The following ELOA2 variants were observed in gnomAD, a reference collection of about 807,000 sequenced individuals.
ELOA2 encodes the protein elongin-A2.
For missense variants in ELOA2, 1,271 were observed against 979.7 expected, an observed-to-expected ratio of 1.30 and a Z score of -3.97; for synonymous variants, 497 against 398.8, an observed-to-expected ratio of 1.25 and a Z score of -2.94.
rs1569058233 is a variant in ELOA2, at chr18:47,035,442, GGA to G, written c.-180_-179del. On this transcript the variant is annotated 5_prime_UTR_variant, in exon 1 of 1. It introduces an in-frame stop codon into an upstream open reading frame of the 5' UTR. Transcript: ENST00000332567. ...CTCGGAGCAGCAGGCCACTTGGTCT[GGA>G]ACGGCCGTCCTTGCAGACAGCTGAG... 1 of 1,358,042 alleles carries G rather than the reference GGA, an allele frequency of 7.4e-7. No individual in the cohort carries two copies. The allele number at this position is 1,358,042 out of a possible 1,614,324, so 84.1% of individuals were successfully genotyped here. A position where few individuals can be genotyped will look rare whatever the true frequency, so the allele number is the denominator to read the frequency against.
chr18:47,033,257 C>A lies in ELOA2; in HGVS notation c.2008G>T (p.Gly670Trp). The change falls in exon 1 of 1, where the codon GGG becomes TGG. Residue 670 changes from glycine to tryptophan, a missense_variant. Gly to Trp is a radical substitution (Grantham distance 184, BLOSUM62 -2). Coordinates refer to ENST00000332567, the MANE Select transcript of ELOA2 (RefSeq NM_016427.3). ...GGCTTGGAGGCTGGCTTGATCTCCCCATTTTCGGGGTCAGCGTCTCCTGCA... is the reference window on the plus strand; with the variant it reads ...GGCTTGGAGGCTGGCTTGATCTCCCAATTTTCGGGGTCAGCGTCTCCTGCA... ...KSAGDADPEN[G>W]EIKPASKPAG... is the part of the protein sequence containing the mutation. 1.9e-6 allele frequency: 3 copies of A among 1,613,704 alleles called. No homozygotes were observed. The highest frequency in any genetic ancestry group is 2.5e-6 in the Non-Finnish European group (3 of 1,180,050).
rs2146969731 is a variant in ELOA2 at position 47,035,357 on chromosome 18, T to A, written c.-93A>T. The A allele has an allele frequency of 6.3e-7, 1 of 1,586,512 alleles. No homozygotes were observed. Among genetic ancestry groups the A allele is most frequent in the East Asian group, 2.3e-5 (1 of 44,348 alleles). On this transcript the variant is annotated 5_prime_UTR_variant, in exon 1 of 1. Coordinates refer to ENST00000332567, the MANE Select transcript of ELOA2 (RefSeq NM_016427.3). Reference sequence around the variant, plus strand: ...GAAGTCTGGGGTGGCCGGTCCTCGCTGCCCGGTCGCCAGGCAGCGACCTCG... The same window carrying A: ...GAAGTCTGGGGTGGCCGGTCCTCGCAGCCCGGTCGCCAGGCAGCGACCTCG...
chr18:47,034,264 G>T lies in ELOA2; in HGVS notation c.1001C>A (p.Pro334His). The T allele has an allele frequency of 6.2e-7, 1 of 1,613,974 alleles. No homozygotes were observed. The highest frequency in any genetic ancestry group is 8.5e-7 in the Non-Finnish European group (1 of 1,179,824). ...GTTGGAAAGCTGCTCTTTCTCCTCG[G>T]GCGACAGGCCGTGTGTCCCATTTCC... The part of the protein sequence containing the change: ...DPGNGTHGLS[P>H]EEKEQLSNDR... Residue 334 changes from proline (P) to histidine (H), a missense_variant, in exon 1 of 1, where the codon CCC becomes CAC. Physicochemically the swap from Pro to His is moderately conservative, Grantham distance 77. Transcript: ENST00000332567.
In ELOA2 at chr18:47,034,324, T is replaced by C. The variant is rs1176450229; in HGVS notation, c.941A>G (p.Asn314Ser). ...GCCGTCTAGACTGGGCCTCTTCTTG[T>C]TCGAGTGACTGTGCTGAGGCCTCTT... ...HQKRPQHSHS[N>S]KKRPSLDGRD... Residue 314 changes from asparagine to serine, a missense_variant, in exon 1 of 1, where the codon AAC (asparagine) becomes AGC (serine). Physicochemically the swap from Asn to Ser is conservative, Grantham distance 46. Transcript: ENST00000332567. 6.2e-7 allele frequency: 1 copy of C among 1,612,770 alleles called. No individual in the cohort carries two copies. The highest frequency in any genetic ancestry group is 1.7e-5 in the Admixed American group (1 of 60,010).
chr18:47,035,287 C>T lies in ELOA2; in HGVS notation c.-23G>A, dbSNP rs1569057619. ...CATCTCACCAGAGCTGTGCAGGCGT[C>T]GCTGTCCCGGCGGTCGCAGCTCTGT... On this transcript the variant is annotated 5_prime_UTR_variant, in exon 1 of 1. Transcript: ENST00000332567. 3 of 1,612,148 alleles carry T rather than the reference C, an allele frequency of 1.9e-6. No individual in the cohort carries two copies. The highest frequency in any genetic ancestry group is 1.1e-5 in the South Asian group (1 of 90,988).
chr18:47,034,024 G>A lies in ELOA2; in HGVS notation c.1241C>T (p.Ala414Val), dbSNP rs750709978. The A allele has an allele frequency of 6.2e-7, 1 of 1,614,172 alleles. No homozygotes were observed. Among genetic ancestry groups the A allele is most frequent in the South Asian group, 1.1e-5 (1 of 91,080 alleles). The change falls in exon 1 of 1, where the codon GCA (alanine) becomes GTA (valine). Residue 414 changes from alanine to valine, a missense_variant. Transcript: ENST00000332567. ...CTCACGAGTGCCCTTGGATTCGTTTGCTTTCCTTTGTTTATCTCCAAGTGC... is the reference window on the plus strand; with the variant it reads ...CTCACGAGTGCCCTTGGATTCGTTTACTTTCCTTTGTTTATCTCCAAGTGC... ...TTALGDKQRK[A>V]NESKGTRESW...
In ELOA2 at chr18:47,032,997, C is replaced by G. The variant is rs1254917094; in HGVS notation, c.*6G>C. On this transcript the variant is annotated 3_prime_UTR_variant, in exon 1 of 1. Coordinates refer to ENST00000332567, the MANE Select transcript of ELOA2 (RefSeq NM_016427.3). ...CCAGATTTTATCTGCAAGGCAAGTCCTGAGTTTATCGTCGGGAGAATCTTC... is the reference window on the plus strand; with the variant it reads ...CCAGATTTTATCTGCAAGGCAAGTCGTGAGTTTATCGTCGGGAGAATCTTC... The G allele has an allele frequency of 6.2e-7, 1 of 1,614,068 alleles. No homozygotes were observed. The highest frequency in any genetic ancestry group is 2.2e-5 in the East Asian group (1 of 44,882).
chr18:47,034,579 G>C lies in ELOA2; in HGVS notation c.686C>G (p.Ser229Trp). 6.2e-7 allele frequency: 1 copy of C among 1,614,192 alleles called. No homozygotes were observed. The highest frequency in any genetic ancestry group is 8.5e-7 in the Non-Finnish European group (1 of 1,180,010). ...AVVSHSKGHKSSRQEKRPLCA... is the reference protein window; with the variant it reads ...AVVSHSKGHKWSRQEKRPLCA... ...CAAGGGGCGTTTTTCCTGGCGAGAC[G>C]ATTTGTGCCCCTTGCTGTGGCTCAC... The change falls in exon 1 of 1, where the codon TCG (serine) becomes TGG (tryptophan). Residue 229 changes from serine (S) to tryptophan (W), a missense_variant. Physicochemically the swap from Ser to Trp is radical, Grantham distance 177. Transcript: ENST00000332567.
chr18:47,034,985 C>A lies in ELOA2; in HGVS notation c.280G>T (p.Ala94Ser). 6 of 1,611,600 alleles carry A rather than the reference C, an allele frequency of 3.7e-6. No homozygotes were observed. The highest frequency in any genetic ancestry group is 1.1e-5 in the South Asian group (1 of 90,962). Reference protein sequence around the residue: ...RPGPQDPEESASRQRFGEALQ... With the variant: ...RPGPQDPEESSSRQRFGEALQ... ...GCCTCCCCGAAGCGCTGTCGGGAAG[C>A]GCTCTCCTCAGGGTCCTGTGGGCCA... The change falls in exon 1 of 1, where the codon GCT becomes TCT. Residue 94 changes from alanine to serine, a missense_variant. Coordinates refer to ENST00000332567, the MANE Select transcript of ELOA2 (RefSeq NM_016427.3).
rs577852592 is a variant in ELOA2 at position 47,035,251 on chromosome 18, G to A, written c.14C>T (p.Ser5Phe). MAAG[S>F]TTLHAVEKLQ... The stretch of plus-strand genomic sequence containing the variant: ...CTTCTCCACTGCGTGCAGCGTAGTG[G>A]ACCCTGCCGCCATCTCACCAGAGCT... The change falls in exon 1 of 1, where the codon TCC (serine) becomes TTC (phenylalanine). Residue 5 changes from serine to phenylalanine, a missense_variant. By Grantham distance (155) the Ser-to-Phe change is radical (BLOSUM62 -2). Coordinates refer to ENST00000332567, the MANE Select transcript of ELOA2 (RefSeq NM_016427.3). The A allele has an allele frequency of 2.2e-5, 36 of 1,612,782 alleles. No homozygotes were observed. In the South Asian group the frequency reaches 3.7e-4, roughly 17 times the overall value.
At position 47,033,595 on chromosome 18, in the gene ELOA2, G is replaced by T; in HGVS notation, c.1670C>A (p.Pro557His). 2 of 1,614,208 alleles carry T rather than the reference G, an allele frequency of 1.2e-6. No homozygotes were observed. The highest frequency in any genetic ancestry group is 1.7e-6 in the Non-Finnish European group (2 of 1,180,044). ...ATCGGGCCTCCACCCTTCCAGAACA[G>T]GTTCAAGAACCCAGTAGGGGACCTC... ...VGEVPYWVLEPVLEGWRPDQL... is the reference protein window; with the variant it reads ...VGEVPYWVLEHVLEGWRPDQL... Residue 557 changes from proline (P) to histidine (H), a missense_variant, in exon 1 of 1, where the codon CCT becomes CAT. By Grantham distance (77) the Pro-to-His change is moderately conservative (BLOSUM62 -2). Coordinates refer to ENST00000332567, the MANE Select transcript of ELOA2 (RefSeq NM_016427.3).
rs750279246 is a variant in ELOA2, at chr18:47,033,179, C to G, written c.2086G>C (p.Asp696His). 3.7e-6 allele frequency: 6 copies of G among 1,614,084 alleles called. No homozygotes were observed. Among genetic ancestry groups the G allele is most frequent in the Non-Finnish European group, 1.7e-6 (2 of 1,179,996 alleles). Residue 696 changes from aspartate (D) to histidine (H), a missense_variant, in exon 1 of 1, where the codon GAC (aspartate) becomes CAC (histidine). Transcript: ENST00000332567. ...SSQSSSGGGR[D>H]SSSSILRWLP... Reference sequence around the variant, plus strand: ...CAGCGAAGGATGCTGCTGCTGCTGTCTCTGCCACCGCCGCTGCTGCTCTGG... The same window carrying G: ...CAGCGAAGGATGCTGCTGCTGCTGTGTCTGCCACCGCCGCTGCTGCTCTGG...
chr18:47,033,930 G>C lies in ELOA2; in HGVS notation c.1335C>G (p.Gly445=). The change falls in exon 1 of 1, where the codon GGC becomes GGG. Residue 445 remains glycine, a synonymous_variant. Transcript: ENST00000332567. ...ESQSERLQAA[G]ADSAGPKTVP... is the part of the protein sequence containing the mutation. ...CCGTTTTCGGCCCGGCGGAATCAGC[G>C]CCGGCCGCCTGCAGCCTCTCTGACT... 1 of 1,612,820 alleles carries C rather than the reference G, an allele frequency of 6.2e-7. No individual in the cohort carries two copies. Among genetic ancestry groups the C allele is most frequent in the Non-Finnish European group, 8.5e-7 (1 of 1,180,022 alleles).
Position 47,033,774 on chromosome 18 carries a change from G to A in ELOA2, c.1491C>T (p.Phe497=). The change falls in exon 1 of 1, where the codon TTC becomes TTT. Residue 497 remains phenylalanine (F), a synonymous_variant. Transcript: ENST00000332567. ...AKPEALSSPK[F]REEAAFPGRR... is the part of the protein sequence containing the mutation. The stretch of plus-strand genomic sequence containing the variant: ...GTCCAGGGAAAGCAGCTTCCTCCCG[G>A]AACTTTGGTGAAGAGAGTGCTTCTG... 1 of 1,614,218 alleles carries A rather than the reference G, an allele frequency of 6.2e-7. No individual in the cohort carries two copies. The highest frequency in any genetic ancestry group is 8.5e-7 in the Non-Finnish European group (1 of 1,180,052).
rs1034277514 is a variant in ELOA2, at chr18:47,032,916, T to C, written c.*87A>G. The C allele has an allele frequency of 6.2e-7, 1 of 1,607,440 alleles. No individual in the cohort carries two copies. Among genetic ancestry groups the C allele is most frequent in the African/African-American group, 1.3e-5 (1 of 74,718 alleles). On this transcript the variant is annotated 3_prime_UTR_variant, in exon 1 of 1. Transcript: ENST00000332567. Reference sequence around the variant, plus strand: ...TTGCACCAAGTTAAAGGTTCTGGTGTCCATTGGAAGTTTCGTTCCCCAACC... The same window carrying C: ...TTGCACCAAGTTAAAGGTTCTGGTGCCCATTGGAAGTTTCGTTCCCCAACC...
Position 47,032,949 on chromosome 18 carries a change from A to T in ELOA2, c.*54T>A. 2 of 1,612,906 alleles carry T rather than the reference A, an allele frequency of 1.2e-6. No homozygotes were observed. Among genetic ancestry groups the T allele is most frequent in the Non-Finnish European group, 1.7e-6 (2 of 1,179,884 alleles). Reference sequence around the variant, plus strand: ...AAGTTTCGTTCCCCAACCCGCATTGACTTTGCCAATGCAAAAATCCCCCCA... The same window carrying T: ...AAGTTTCGTTCCCCAACCCGCATTGTCTTTGCCAATGCAAAAATCCCCCCA... On this transcript the variant is annotated 3_prime_UTR_variant, in exon 1 of 1. Transcript: ENST00000332567.
chr18:47,033,866 C>G lies in ELOA2; in HGVS notation c.1399G>C (p.Glu467Gln). 2 of 1,613,984 alleles carry G rather than the reference C, an allele frequency of 1.2e-6. No individual in the cohort carries two copies. Among genetic ancestry groups the G allele is most frequent in the Non-Finnish European group, 1.7e-6 (2 of 1,180,052 alleles). The change falls in exon 1 of 1, where the codon GAG (glutamate) becomes CAG (glutamine). Residue 467 changes from glutamate (E) to glutamine (Q), a missense_variant. Glu to Gln is a conservative substitution (Grantham distance 29). Transcript: ENST00000332567. ...TCGTAGTTGGCCTGCATCCAGGCCT[C>G]TGAGAGGTCCCAGAGCTCTGAGAAG... Reference protein sequence around the residue: ...HVFSELWDLSEAWMQANYDPL... With the variant: ...HVFSELWDLSQAWMQANYDPL...
In ELOA2 at chr18:47,033,104, C is replaced by T. The variant is rs573481393; in HGVS notation, c.2161G>A (p.Ala721Thr). 2 of 1,614,108 alleles carry T rather than the reference C, an allele frequency of 1.2e-6. No homozygotes were observed. The highest frequency in any genetic ancestry group is 1.3e-5 in the African/African-American group (1 of 75,060). ...NPCLSSSNEH[A>T]APAAKTRKQA... is the part of the protein sequence containing the mutation. ...TTCCGGGTTTTGGCCGCGGGCGCCG[C>T]GTGCTCATTGCTGCTGCTCAGGCAG... The change falls in exon 1 of 1, where the codon GCG becomes ACG. Residue 721 changes from alanine to threonine, a missense_variant. Ala to Thr is a moderately conservative substitution (Grantham distance 58). Transcript: ENST00000332567.
Position 47,034,789 on chromosome 18 carries a change from C to G in ELOA2, c.476G>C (p.Arg159Thr), listed in dbSNP as rs140500983. The G allele has an allele frequency of 1.2e-6, 2 of 1,612,346 alleles. No individual in the cohort carries two copies. The highest frequency in any genetic ancestry group is 1.3e-5 in the African/African-American group (1 of 74,892). ...GCGGCCGGAATCAGCTGGGGCTATT[C>G]TGGGGCACTTTCTCTCAGCTCTGGG... ...REPRAERKCPRIAPADSGRYR... is the reference protein window; with the variant it reads ...REPRAERKCPTIAPADSGRYR... The change falls in exon 1 of 1, where the codon AGA (arginine) becomes ACA (threonine). Residue 159 changes from arginine to threonine, a missense_variant. Coordinates refer to ENST00000332567, the MANE Select transcript of ELOA2 (RefSeq NM_016427.3).
Sources: gnomAD v4.1 joint callset for allele counts on GRCh38, gnomAD v4.1.1 for gene constraint, MANE v1.5 for transcripts, NCBI Gene and HGNC (gene_info 2026-07-23, HGNC 2026-07-21) for gene names.